The following DDX60 variants were observed in gnomAD, a reference collection of about 807,000 sequenced individuals.
DDX60 encodes the protein probable ATP-dependent RNA helicase DDX60.
Under a neutral mutation model 212.8 loss-of-function variants are expected in DDX60, and 165 were observed. The observed-to-expected ratio is 0.78, with a 90% confidence interval of 0.68 to 0.88. DDX60 has a LOEUF of 0.88. Ranked by LOEUF, DDX60 falls within the 40% of genes least tolerant of loss-of-function variation. The probability of loss-of-function intolerance (pLI) is 0.00; values close to 1 mark genes in which losing one functional copy is unlikely to be tolerated. For missense variants in DDX60, 1,905 were observed against 2,003.9 expected, an observed-to-expected ratio of 0.95 and a Z score of 0.94; for synonymous variants, 703 against 685.3, an observed-to-expected ratio of 1.03 and a Z score of -0.40.
chr4:168,250,705 T>C (rs1734189267), intron 28 of DDX60, among the ~76,000 whole-genome samples: 1 of 5,780 alleles, frequency 1.7e-4, no homozygotes, highest in African/African-American at 8.6e-4. Flanking sequence ...TTTGTATTTT[T>C]AGTAGAGGCA....
chr4:168,291,363 A>G (rs992582317), intron 8 of DDX60, among the ~76,000 whole-genome samples: 3 of 152,200 alleles, frequency 2.0e-5, no homozygotes, highest in African/African-American at 7.2e-5. Flanking sequence ...TATTTCTCTA[A>G]AGTATCCAAA....
intron 19 of DDX60, 150 bp from the exon 20 acceptor site, chr4:168,269,119 C>A (rs1395512614): frequency 3.8e-6 from 2 of 523,022 alleles, no homozygotes; most frequent in Non-Finnish European, 6.9e-6. Context: ...TAAAAATCCT[C>A]ACAACCAATG....
At chr4:168,282,668 A>G (rs1400296835) in intron 13 of DDX60, among the ~76,000 whole-genome samples, 2 of 152,138 alleles carry the variant, frequency 1.3e-5, no homozygotes, top group East Asian at 3.8e-4. Context: ...GAGGCCACAG[A>G]AAGATACTAA....
Position 168,240,336 on chromosome 4 carries a change from G to A in DDX60, c.4165-2541C>T, listed in dbSNP as rs1733795151. ...GATATCAGAGAGGACACAAACAAAT[G>A]AAAAAACATTTCATGCTCATGGACA... On this transcript the variant is annotated intron_variant, in intron 30 of 37. Coordinates refer to ENST00000393743, the MANE Select transcript of DDX60 (RefSeq NM_017631.6). Among the ~76,000 whole-genome samples, 2 of 152,042 alleles carry A rather than the reference G, an allele frequency of 1.3e-5. 1 individual carries two copies. The highest frequency in any genetic ancestry group is 4.1e-4 in the South Asian group (2 of 4,826).
intron 25 of DDX60, among the ~76,000 whole-genome samples, chr4:168,257,858 AAAGGGG>A (rs1283686440): frequency 2.6e-5 from 4 of 152,186 alleles, no homozygotes; most frequent in Non-Finnish European, 5.9e-5. Context: ...TGTACTGGCA[AAAGGGG>A]AAGTTCACAT....
chr4:168,216,649 T>A lies in DDX60; in HGVS notation c.*284A>T, dbSNP rs1229653927. The A allele has an allele frequency of 4.5e-6, 1 of 220,318 alleles. No homozygotes were observed. The highest frequency in any genetic ancestry group is 8.8e-6 in the Non-Finnish European group (1 of 113,796). 13.6% of individuals were successfully genotyped at this position (220,318 alleles called of 1,614,324 possible). Reference sequence around the variant, plus strand: ...TTCAGTCACATACAACATTCTCGCATTTTTTTAGTCAATCCTCAAACTACC... The same window carrying A: ...TTCAGTCACATACAACATTCTCGCAATTTTTTAGTCAATCCTCAAACTACC... On this transcript the variant is annotated 3_prime_UTR_variant, in exon 38 of 38. Transcript: ENST00000393743.
At chr4:168,236,143 ACAAAT>A in intron 33 of DDX60, 104 bp downstream of exon 33, 2 of 1,031,268 alleles carry the variant, frequency 1.9e-6, no homozygotes, top group Non-Finnish European at 2.7e-6. Context: ...ATTCTATAAA[ACAAAT>A]GAACTGCCCT....
chr4:168,319,197 A>G (rs557330115), upstream of DDX60, among the ~76,000 whole-genome samples: 1 of 152,296 alleles, frequency 6.6e-6, no homozygotes, highest in South Asian at 2.1e-4. Flanking sequence ...CGTCAATTAA[A>G]AATAAAATGA....
intron 35 of DDX60, among the ~76,000 whole-genome samples, chr4:168,222,224 A>T (rs760972303): frequency 1.3e-5 from 2 of 152,172 alleles, no homozygotes; most frequent in Admixed American, 6.6e-5. Context: ...ACAGAATATT[A>T]ATGAGCTAGA....
At chr4:168,268,279 G>A (rs1734937200) in intron 20 of DDX60, among the ~76,000 whole-genome samples, 1 of 152,026 alleles carries the variant, frequency 6.6e-6, no homozygotes, top group Admixed American at 6.6e-5. Context: ...AAATCATAAG[G>A]GTTGCTGGGC....
chr4:168,226,312 AAT>A (rs1215782021), intron 33 of DDX60, among the ~76,000 whole-genome samples: 3 of 152,080 alleles, frequency 2.0e-5, no homozygotes, highest in Admixed American at 6.6e-5. Context: ...ATGAACACTT[AAT>A]GTGATGGGAT....
Position 168,248,203 on chromosome 4 carries a change from C to T in DDX60, c.3948G>A (p.Ala1316=), listed in dbSNP as rs148905082. 841 of 1,603,054 alleles carry T rather than the reference C, an allele frequency of 5.2e-4. 1 individual carries two copies. Among genetic ancestry groups the T allele is most frequent in the Non-Finnish European group, 6.6e-4 (771 of 1,176,086 alleles). The part of the protein sequence containing the change: ...VFAQNSVYLD[A]LNYRQMSGRA... ...TTTGCAATACCTGTCTATAATTCAA[C>T]GCATCCAGATAGACTGAGTTTTGAG... Residue 1316 remains alanine, a synonymous_variant, in exon 29 of 38, where the codon GCG becomes GCA. Transcript: ENST00000393743.
At chr4:168,317,992 G>A (rs976558667) in intron 1 of DDX60, among the ~76,000 whole-genome samples, 4 of 152,206 alleles carry the variant, frequency 2.6e-5, no homozygotes, top group African/African-American at 7.2e-5. Flanking sequence ...ATGAGATGCT[G>A]AACAGAGAAC....
Position 168,306,711 on chromosome 4 carries a change from A to T in DDX60, c.274T>A (p.Tyr92Asn). The T allele has an allele frequency of 6.2e-7, 1 of 1,610,380 alleles. No homozygotes were observed. Among genetic ancestry groups the T allele is most frequent in the Non-Finnish European group, 8.5e-7 (1 of 1,177,052 alleles). ...FTIVFFKDAE[Y>N]AYFNFPELLS... ...AGTTCAGGGAAGTTGAAATACGCAT[A>T]CTCGGCATCCTGTGGAGGAGGAGGT... Residue 92 changes from tyrosine (Y) to asparagine (N), a missense_variant, in exon 5 of 38, where the codon TAT becomes AAT. Transcript: ENST00000393743.
intron 30 of DDX60, among the ~76,000 whole-genome samples, chr4:168,240,688 G>C (rs948715437): frequency 3.9e-5 from 6 of 152,080 alleles, no homozygotes; most frequent in African/African-American, 1.4e-4. Context: ...ACAAGCAATG[G>C]GGAAAGGGTT....
At chr4:168,310,897 T>G in intron 3 of DDX60, 101 bp downstream of exon 3, 1 of 653,486 alleles carries the variant, frequency 1.5e-6, no homozygotes, top group Non-Finnish European at 2.7e-6. Context: ...AGCCCCTACA[T>G]TGTTCAATGG....
intron 6 of DDX60, among the ~76,000 whole-genome samples, chr4:168,299,563 A>T (rs778628987): frequency 1.2e-4 from 18 of 152,072 alleles, no homozygotes; most frequent in Admixed American, 4.6e-4. Context: ...AGCTAACCTG[A>T]TCATAAAAAA....
At chr4:168,273,829 A>G in intron 17 of DDX60, 105 bp downstream of exon 17, 1 of 1,336,492 alleles carries the variant, frequency 7.5e-7, no homozygotes, top group Non-Finnish European at 1.0e-6. Flanking sequence ...AAGAAAATGC[A>G]GGTTAAAAAA....
Position 168,308,030 on chromosome 4 carries a change from T to C in DDX60, c.240A>G (p.Gly80=). The change falls in exon 4 of 38, where the codon GGA becomes GGG. Residue 80 remains glycine (G), a synonymous_variant. Transcript: ENST00000393743. ...RYLVDLISKG[G]QFTIVFFKDA... is the part of the protein sequence containing the mutation. Reference sequence around the variant, plus strand: ...CCTTGAAGAAAACTATGGTGAATTGTCCTCCTTTGCTAATAAGATCCACAA... The same window carrying C: ...CCTTGAAGAAAACTATGGTGAATTGCCCTCCTTTGCTAATAAGATCCACAA... 2.5e-6 allele frequency: 4 copies of C among 1,600,260 alleles called. No individual in the cohort carries two copies. The highest frequency in any genetic ancestry group is 3.4e-6 in the Non-Finnish European group (4 of 1,177,184).
Sources: allele counts gnomAD v4.1 joint callset (sites outside exome capture counted in the v4.1 genomes callset), GRCh38; gene constraint gnomAD v4.1.1; transcripts MANE v1.5; gene names NCBI Gene and HGNC (gene_info 2026-07-23, HGNC 2026-07-21).